Variants in FANCD2 observed in about 807,000 individuals in gnomAD.
The protein encoded by FANCD2 is FA complementation group D2.
Under a neutral mutation model 192.3 loss-of-function variants are expected in FANCD2, and 131 were observed. The ratio of observed to expected loss-of-function variants is 0.68; its 90% CI spans 0.59 to 0.79. FANCD2 has a LOEUF of 0.79. Ranked by LOEUF, FANCD2 falls within the 30% of genes least tolerant of loss-of-function variation. FANCD2 has a pLI of 0.00. For synonymous variants in FANCD2, 524 were observed against 612.5 expected, an observed-to-expected ratio of 0.86 and a Z score of 2.13; for missense variants, 1,508 against 1,701.6, an observed-to-expected ratio of 0.89 and a Z score of 2.00.
At chr3:10,088,406 C>T (rs1320330479) in intron 34 of FANCD2, 43 bp from the exon 35 acceptor site, 5 of 1,174,354 alleles carry the variant, frequency 4.3e-6, no homozygotes, top group African/African-American at 1.5e-5. Context: ...AGAATGAGGT[C>T]AAGTTCCCAT....
At position 10,070,974 on chromosome 3, in the gene FANCD2, C is replaced by T. The variant is rs538424074; in HGVS notation, c.2495-1897C>T. Reference sequence around the variant, plus strand: ...TCACCACTCCCTAATCTCAAGTACCCAGGGACACAAACACTGCGGAAGGCC... The same window carrying T: ...TCACCACTCCCTAATCTCAAGTACCTAGGGACACAAACACTGCGGAAGGCC... On this transcript the variant is annotated intron_variant, in intron 26 of 43. Coordinates refer to ENST00000675286, the MANE Select transcript of FANCD2 (RefSeq NM_001018115.3). Among the ~76,000 whole-genome samples, 99 of 146,638 alleles carry T rather than the reference C, an allele frequency of 6.8e-4. 1 individual carries two copies. The South Asian group carries it at 0.017, about 25-fold the overall frequency.
chr3:10,051,447 TGA>T (rs2087213900), intron 17 of FANCD2, among the ~76,000 whole-genome samples: 1 of 126 alleles, frequency 7.9e-3, no homozygotes, highest in Non-Finnish European at 0.013. Flanking sequence ...TGTTGGACAC[TGA>T]AAAAGTTGAA....
At chr3:10,041,855 T>G in intron 10 of FANCD2, 145 bp downstream of exon 10, 1 of 671,616 alleles carries the variant, frequency 1.5e-6, no homozygotes, top group Non-Finnish European at 2.7e-6. Flanking sequence ...TTTTTTTTTT[T>G]TTCCCCTCAA....
intron 29 of FANCD2, 34 bp from the exon 30 acceptor site, chr3:10,078,047 A>G (rs746194721): frequency 2.2e-6 from 3 of 1,367,596 alleles, no homozygotes; most frequent in Non-Finnish European, 3.1e-6. Context: ...TGACTAGGAC[A>G]TTCCTGGAAC....
rs1247546049 is a variant in FANCD2 at position 10,067,323 on chromosome 3, AG to A, written c.2494+7del. 2 of 1,563,962 alleles carry A rather than the reference AG, an allele frequency of 1.3e-6. No individual in the cohort carries two copies. Among genetic ancestry groups the A allele is most frequent in the South Asian group, 2.2e-5 (2 of 89,636 alleles). ...CCTGGAAAAGTACTTGGCAGGTAAG[AG>A]AAGTGTCCTATACTGGTAGTACTAC... On this transcript the variant is annotated splice_region_variant and intron_variant, in intron 26 of 43. Coordinates refer to ENST00000675286, the MANE Select transcript of FANCD2 (RefSeq NM_001018115.3).
chr3:10,031,180 T>C (rs2086582081), intron 2 of FANCD2, among the ~76,000 whole-genome samples: 1 of 152,088 alleles, frequency 6.6e-6, no homozygotes, highest in South Asian at 2.1e-4. Flanking sequence ...TAGTGGTCTT[T>C]GTCTCATTCT....
chr3:10,084,310 G>C (rs1694042867), intron 32 of FANCD2, among the ~76,000 whole-genome samples: 1 of 135,926 alleles, frequency 7.4e-6, no homozygotes, highest in African/African-American at 2.9e-5. Flanking sequence ...TTTCTTCCCT[G>C]AGACAGGGTC....
At chr3:10,038,862 T>C (rs949500971) in intron 7 of FANCD2, among the ~76,000 whole-genome samples, 2 of 152,224 alleles carry the variant, frequency 1.3e-5, no homozygotes, top group African/African-American at 4.8e-5. Context: ...ATTACAGGCA[T>C]GAGCCACTGC....
chr3:10,043,875 T>C lies in FANCD2; in HGVS notation c.1134+11T>C, dbSNP rs780581146. The stretch of plus-strand genomic sequence containing the variant: ...GTATCTGAACACAAGGTAATGTTCA[T>C]GTACTATGCATTTTCAGTATTGCAG... On this transcript the variant is annotated intron_variant, in intron 14 of 43. Transcript: ENST00000675286. 5 of 1,595,812 alleles carry C rather than the reference T, an allele frequency of 3.1e-6. No homozygotes were observed. Among genetic ancestry groups the C allele is most frequent in the African/African-American group, 2.7e-5 (2 of 74,370 alleles).
Position 10,043,868 on chromosome 3 carries a change from A to G in FANCD2, c.1134+4A>G, listed in dbSNP as rs1455972774. 2.5e-6 allele frequency: 4 copies of G among 1,604,580 alleles called. No individual in the cohort carries two copies. The African/African-American group carries it at 5.4e-5, about 22-fold the overall frequency. ...TGCCTCAGTATCTGAACACAAGGTA[A>G]TGTTCATGTACTATGCATTTTCAGT... On this transcript the variant is annotated splice_donor_region_variant and intron_variant, in intron 14 of 43. Transcript: ENST00000675286.
In FANCD2 at chr3:10,050,680, G is replaced by GT. The variant is rs1341866869; in HGVS notation, c.1545+1178dup. Among the ~76,000 whole-genome samples, 3 of 148,836 alleles carry GT rather than the reference G, an allele frequency of 2.0e-5. No homozygotes were observed. The East Asian group carries it at 5.9e-4, about 29-fold the overall frequency. On this transcript the variant is annotated intron_variant, in intron 17 of 43. Coordinates refer to ENST00000675286, the MANE Select transcript of FANCD2 (RefSeq NM_001018115.3). ...GCACAGACATTTTGAGAAGGTTAAA[G>GT]TTTAAGTGGCAGATGAAAGCAAATG...
chr3:10,031,434 G>A (rs943845914), intron 2 of FANCD2, among the ~76,000 whole-genome samples: 3 of 151,480 alleles, frequency 2.0e-5, no homozygotes, highest in African/African-American at 7.3e-5. Flanking sequence ...CCCGGGAGGC[G>A]GAGCTTGCAG....
At chr3:10,053,932 A>G (rs1457892210) in intron 18 of FANCD2, among the ~76,000 whole-genome samples, 1 of 152,114 alleles carries the variant, frequency 6.6e-6, no homozygotes, top group Non-Finnish European at 1.5e-5. Context: ...TGTGGGCGCC[A>G]TTCACTGAAA....
At chr3:10,031,250 T>C (rs548605189) in intron 2 of FANCD2, among the ~76,000 whole-genome samples, 1 of 152,138 alleles carries the variant, frequency 6.6e-6, no homozygotes, top group African/African-American at 2.4e-5. Flanking sequence ...ACGCCTGTAA[T>C]CCCAGCACTT....
intron 18 of FANCD2, among the ~76,000 whole-genome samples, chr3:10,054,481 T>A (rs1376195429): frequency 3.6e-5 from 2 of 55,052 alleles, no homozygotes; most frequent in Admixed American, 1.7e-4. Flanking sequence ...ATATTTTTTT[T>A]TTTTTTTTTT....
intron 1 of FANCD2, among the ~76,000 whole-genome samples, chr3:10,027,693 T>A (rs1361733923): frequency 6.7e-6 from 1 of 149,936 alleles, no homozygotes; most frequent in Non-Finnish European, 1.5e-5. Flanking sequence ...ATTATGAGGT[T>A]ATGAGATCAA....
intron 1 of FANCD2, 124 bp from the exon 2 acceptor site, chr3:10,028,501 T>C: frequency 1.5e-6 from 1 of 688,318 alleles, no homozygotes; most frequent in Admixed American, 2.3e-5. Flanking sequence ...TAGGTTTAGG[T>C]AGCATTAATA....
chr3:10,080,726 G>A (rs1334041863), intron 30 of FANCD2, among the ~76,000 whole-genome samples: 3 of 152,244 alleles, frequency 2.0e-5, no homozygotes, highest in East Asian at 1.9e-4. Context: ...AGCTGTGATC[G>A]TGCCACTGCA....
At chr3:10,039,045 T>C (rs1259628925) in intron 7 of FANCD2, among the ~76,000 whole-genome samples, 1 of 152,216 alleles carries the variant, frequency 6.6e-6, no homozygotes, top group Non-Finnish European at 1.5e-5. Flanking sequence ...AAATCCTCCC[T>C]GGATGTAGTC....
Sources: allele counts gnomAD v4.1 joint callset (sites outside exome capture counted in the v4.1 genomes callset), GRCh38; gene constraint gnomAD v4.1.1; transcripts MANE v1.5; gene names NCBI Gene and HGNC (gene_info 2026-07-23, HGNC 2026-07-21).